The following PRX variants were observed in gnomAD, a reference collection of about 807,000 sequenced individuals.
PRX encodes the protein periaxin.
Under a neutral mutation model 29.6 loss-of-function variants are expected in PRX, and 24 were observed. That is an observed-to-expected ratio of 0.81 (90% CI 0.59 to 1.14). PRX has a LOEUF of 1.14. Ranked by LOEUF, PRX falls within the 50% of genes most tolerant of loss-of-function variation. PRX has a pLI of 0.00. For synonymous variants in PRX, 772 were observed against 831.7 expected (o/e 0.93, Z 1.24); for missense variants, 1,838 against 1,926.4 (o/e 0.95, Z 0.86).
Position 40,397,082 on chromosome 19 carries a change from A to T in PRX, c.1270T>A (p.Ser424Thr). The T allele has an allele frequency of 6.2e-7, 1 of 1,614,034 alleles. No homozygotes were observed. Among genetic ancestry groups the T allele is most frequent in the Non-Finnish European group, 8.5e-7 (1 of 1,180,026 alleles). Residue 424 changes from serine to threonine, a missense_variant, in exon 7 of 7, where the codon TCC becomes ACC. Transcript: ENST00000324001. ...KLKLPTIKMPSLGIGVSGPEV... is the reference protein window; with the variant it reads ...KLKLPTIKMPTLGIGVSGPEV... ...GGCCCTGACACTCCGATGCCAAGGG[A>T]GGGCATCTTGATGGTGGGCAGCTTC...
intron 5 of PRX, among the ~76,000 whole-genome samples, chr19:40,399,490 G>C (rs773942156): frequency 3.9e-5 from 6 of 152,076 alleles, no homozygotes; most frequent in Non-Finnish European, 1.5e-5. Context: ...TTTCCAACAC[G>C]CACATCTGAA....
In PRX at chr19:40,395,625, G is replaced by A. The variant is rs61735546; in HGVS notation, c.2727C>T (p.Pro909=). 9,046 of 1,614,060 alleles carry A rather than the reference G, an allele frequency of 5.6e-3. 464 individuals are homozygous for A. In the African/African-American group the frequency reaches 0.11, roughly 19 times the overall value. ...PSVEIVTPQL[P]AVEIEEGRLE... is the part of the protein sequence containing the mutation. ...GCCGCCCTTCCTCAATTTCCACGGC[G>A]GGCAGCTGTGGGGTGACAATTTCAA... Residue 909 remains proline (P), a synonymous_variant, in exon 7 of 7, where the codon CCC becomes CCT. Transcript: ENST00000324001.
At chr19:40,409,451 CTATTATTATTATTATTAT>C (rs141778541) in intron 1 of PRX, among the ~76,000 whole-genome samples, 2 of 142,362 alleles carry the variant, frequency 1.4e-5, no homozygotes, top group Admixed American at 1.4e-4. Flanking sequence ...TAAATACTTG[CTATTATTATTATTATTAT>C]TATTATTATT....
intron 5 of PRX, among the ~76,000 whole-genome samples, chr19:40,399,181 C>T (rs1458636905): frequency 1.3e-5 from 2 of 152,108 alleles, no homozygotes; most frequent in African/African-American, 4.8e-5. Flanking sequence ...TTACTCCATT[C>T]GCCTTCCTGT....
chr19:40,413,047 G>C (rs2079565927), intron 1 of PRX, among the ~76,000 whole-genome samples: 1 of 152,164 alleles, frequency 6.6e-6, no homozygotes, highest in African/African-American at 2.4e-5. Flanking sequence ...TTTAAAAGCA[G>C]CAACTCATTT....
chr19:40,393,828 C>T lies in PRX; in HGVS notation c.*138G>A. 1 of 1,336,898 alleles carries T rather than the reference C, an allele frequency of 7.5e-7. No homozygotes were observed. Among genetic ancestry groups the T allele is most frequent in the Non-Finnish European group, 1.0e-6 (1 of 962,570 alleles). The allele number at this position is 1,336,898 out of a possible 1,614,324, so 82.8% of individuals were successfully genotyped here. A position where few individuals can be genotyped will look rare whatever the true frequency, so the allele number is the denominator to read the frequency against. On this transcript the variant is annotated 3_prime_UTR_variant, in exon 7 of 7. Transcript: ENST00000324001. ...GGTACAGGCACTCCTGCCAGAGAGA[C>T]AGGAGCAGGCCTCCCTGCCAGCCCT...
At position 40,407,569 on chromosome 19, in the gene PRX, G is replaced by A. The variant is rs2079537753; in HGVS notation, c.27+337C>T. 14 of 457,688 alleles carry A rather than the reference G, an allele frequency of 3.1e-5. No individual in the cohort carries two copies. In the South Asian group the frequency reaches 3.3e-4, roughly 11 times the overall value. The allele number at this position is 457,688 out of a possible 1,614,324, so 28.4% of individuals were successfully genotyped here. On this transcript the variant is annotated intron_variant, in intron 4 of 6. Transcript: ENST00000324001. ...TCCTGCCTCGGCCTCCCAAAGTGCTGGAATTCCAGGCCTGCGCCACTGCAC... is the reference window on the plus strand; with the variant it reads ...TCCTGCCTCGGCCTCCCAAAGTGCTAGAATTCCAGGCCTGCGCCACTGCAC...
chr19:40,400,592 CAAAAAAAAAAA>C (rs71171569), intron 5 of PRX, among the ~76,000 whole-genome samples: 19 of 44,832 alleles, frequency 4.2e-4, no homozygotes, highest in African/African-American at 1.3e-3. Context: ...AATTCCATCT[CAAAAAAAAAAA>C]AAAAAAAAAA....
In PRX at chr19:40,397,244, T is replaced by G; in HGVS notation, c.1108A>C (p.Lys370Gln). ...LSFPRFGARA[K>Q]EVAEAKVAKV... The stretch of plus-strand genomic sequence containing the variant: ...GCTACCTTGGCCTCAGCAACTTCCT[T>G]TGCTCGAGCCCCAAATCGGGGAAAA... Residue 370 changes from lysine (K) to glutamine (Q), a missense_variant, in exon 7 of 7, where the codon AAG becomes CAG. By Grantham distance (53) the Lys-to-Gln change is moderately conservative. This residue lies in a region of PRX where 666 missense variants were observed against 665.0 expected (regional missense o/e 1.00). Transcript: ENST00000324001. The G allele has an allele frequency of 6.2e-7, 1 of 1,613,788 alleles. No homozygotes were observed. The highest frequency in any genetic ancestry group is 8.5e-7 in the Non-Finnish European group (1 of 1,180,030).
rs1238733960 is a variant in PRX, at chr19:40,397,582, G to A, written c.770C>T (p.Ala257Val). ...GVPQVSAPKA[A>V]PSAEAAGGFA... ...GCCACCAGCTGCCTCTGCTGAGGGGGCAGCCTTGGGGGCTGAGACCTGGGG... is the reference window on the plus strand; with the variant it reads ...GCCACCAGCTGCCTCTGCTGAGGGGACAGCCTTGGGGGCTGAGACCTGGGG... Residue 257 changes from alanine (A) to valine (V), a missense_variant, in exon 7 of 7, where the codon GCC (alanine) becomes GTC (valine). Ala to Val is a moderately conservative substitution (Grantham distance 64). Around this residue, in one of 3 missense-constraint regions of PRX, gnomAD observed 666 missense variants for 665.0 expected, o/e 1.00. Transcript: ENST00000324001. 12 of 1,541,468 alleles carry A rather than the reference G, an allele frequency of 7.8e-6. No individual in the cohort carries two copies. Among genetic ancestry groups the A allele is most frequent in the Admixed American group, 1.9e-5 (1 of 51,298 alleles).
intron 1 of PRX, among the ~76,000 whole-genome samples, chr19:40,410,674 C>G (rs1221741946): frequency 6.6e-6 from 1 of 152,172 alleles, no homozygotes. Context: ...GGTTCGAGAC[C>G]AGTCTGGCCA....
At chr19:40,399,750 C>T (rs1375679598) in intron 5 of PRX, among the ~76,000 whole-genome samples, 4 of 152,134 alleles carry the variant, frequency 2.6e-5, no homozygotes, top group African/African-American at 4.8e-5. Flanking sequence ...CACTATGTTG[C>T]CCAGTCCAAT....
At chr19:40,406,921 G>A (rs2145744810) in intron 4 of PRX, among the ~76,000 whole-genome samples, 1 of 151,892 alleles carries the variant, frequency 6.6e-6, no homozygotes, top group African/African-American at 2.4e-5. Flanking sequence ...CTACAGGTGT[G>A]CACCATCATG....
intron 1 of PRX, among the ~76,000 whole-genome samples, chr19:40,412,194 T>G (rs1458914020): frequency 4.6e-5 from 7 of 152,168 alleles, no homozygotes; most frequent in Non-Finnish European, 4.4e-5. Flanking sequence ...CAGCGTGATC[T>G]CTCATAGCAA....
Position 40,402,196 on chromosome 19 carries a change from C to CAA in PRX, c.184+1508_184+1509dup, listed in dbSNP as rs1373299185. Among the ~76,000 whole-genome samples, 10 of 149,222 alleles carry CAA rather than the reference C, an allele frequency of 6.7e-5. No homozygotes were observed. The Admixed American group carries it at 6.7e-4, about 10-fold the overall frequency. ...TGAAACCCCGTCTCTACTAAAAATA[C>CAA]AAAAAAAATTAGCCGGGCATGGTGG... On this transcript the variant is annotated intron_variant, in intron 5 of 6. Coordinates refer to ENST00000324001, the MANE Select transcript of PRX (RefSeq NM_181882.3).
rs2079443618 is a variant in PRX, at chr19:40,396,837, T to TG, written c.1514dup (p.Val507GlyfsTer78). Reference sequence around the variant, plus strand: ...CCGGCACAGCCATCTCTGGCACCTTTGGGAGTTTCATCTCTGACACTTTGG... The same window carrying TG: ...CCGGCACAGCCATCTCTGGCACCTTTGGGGAGTTTCATCTCTGACACTTTGG... On this transcript the variant is annotated frameshift_variant, in exon 7 of 7. Coordinates refer to ENST00000324001, the MANE Select transcript of PRX (RefSeq NM_181882.3). LOFTEE classifies it low-confidence loss of function (END_TRUNC). 1 of 1,610,186 alleles carries TG rather than the reference T, an allele frequency of 6.2e-7. No homozygotes were observed. Among genetic ancestry groups the TG allele is most frequent in the African/African-American group, 1.3e-5 (1 of 74,562 alleles).
chr19:40,397,316 C>T lies in PRX; in HGVS notation c.1036G>A (p.Ala346Thr). 1.2e-6 allele frequency: 2 copies of T among 1,613,224 alleles called. No individual in the cohort carries two copies. Among genetic ancestry groups the T allele is most frequent in the Non-Finnish European group, 8.5e-7 (1 of 1,179,962 alleles). Residue 346 changes from alanine to threonine, a missense_variant, in exon 7 of 7, where the codon GCC (alanine) becomes ACC (threonine). This residue lies in a region of PRX where 666 missense variants were observed against 665.0 expected (regional missense o/e 1.00). Coordinates refer to ENST00000324001, the MANE Select transcript of PRX (RefSeq NM_181882.3). The stretch of plus-strand genomic sequence containing the variant: ...GCCACCTCAGGTGCCTCTCCCCGGG[C>T]CTCCACCTCTGCACCCGGCAAGGCC... ...DLALPGAEVE[A>T]RGEAPEVALK...
In PRX at chr19:40,408,138, C is replaced by A; in HGVS notation, c.-100+20G>T. ...GGTATTAGAAGGGGAGAAGGGCCCC[C>A]ACCCCAGCTGTCCTCTCACCGCTGC... is the stretch of plus-strand genomic sequence containing the variant. On this transcript the variant is annotated intron_variant, in intron 3 of 6. Transcript: ENST00000324001. 1 of 663,368 alleles carries A rather than the reference C, an allele frequency of 1.5e-6. No individual in the cohort carries two copies. The highest frequency in any genetic ancestry group is 2.6e-6 in the Non-Finnish European group (1 of 378,190). The allele number at this position is 663,368 out of a possible 1,614,324, so 41.1% of individuals were successfully genotyped here. A position where few individuals can be genotyped will look rare whatever the true frequency, so the allele number is the denominator to read the frequency against.
At position 40,395,550 on chromosome 19, in the gene PRX, A is replaced by G; in HGVS notation, c.2802T>C (p.Pro934=). The change falls in exon 7 of 7, where the codon CCT becomes CCC. Residue 934 remains proline (P), a synonymous_variant. Coordinates refer to ENST00000324001, the MANE Select transcript of PRX (RefSeq NM_181882.3). ...KVKPSSKFSL[P]KFGLSGPKVA... The stretch of plus-strand genomic sequence containing the variant: ...CCTTTGGCCCCGAGAGTCCAAACTT[A>G]GGTAAGGAGAACTTGGAAGAGGGCT... The G allele has an allele frequency of 6.2e-7, 1 of 1,614,130 alleles. No homozygotes were observed. The highest frequency in any genetic ancestry group is 8.5e-7 in the Non-Finnish European group (1 of 1,180,030).
Sources: allele counts gnomAD v4.1 joint callset (sites outside exome capture counted in the v4.1 genomes callset), GRCh38; gene constraint gnomAD v4.1.1; regional missense constraint gnomAD v4.1.1; transcripts MANE v1.5; gene names NCBI Gene and HGNC (gene_info 2026-07-23, HGNC 2026-07-21).